The following PRIMA1 variants were observed in gnomAD, a reference collection of about 807,000 sequenced individuals.
The protein encoded by PRIMA1 is proline-rich membrane anchor 1.
In PRIMA1, 7 loss-of-function variants were observed where a neutral mutation model predicts 17.5. That is an observed-to-expected ratio of 0.40 (90% CI 0.23 to 0.75). PRIMA1 has a LOEUF of 0.75. PRIMA1 is among the 30% of genes least tolerant of loss of function. The probability of loss-of-function intolerance (pLI) is 0.37; values close to 1 mark genes in which losing one functional copy is unlikely to be tolerated. For synonymous variants in PRIMA1, 97 were observed against 77.9 expected (o/e 1.25, Z -1.29); for missense variants, 200 against 201.8 (o/e 0.99, Z 0.05).
intron 3 of PRIMA1, among the ~76,000 whole-genome samples, chr14:93,758,621 A>G (rs970793954): frequency 6.6e-6 from 1 of 151,638 alleles, no homozygotes; most frequent in Non-Finnish European, 1.5e-5. Context: ...AAGAAAAAGA[A>G]AAAGAAAAAG....
rs934944862 is a variant in PRIMA1, at chr14:93,721,104, AAGAC to A, written c.*336_*339del. Reference sequence around the variant, plus strand: ...GGGGAAGCCTCCCTGCCACAGTAGAAAGACAGATCCCTCTGGCTTCGCCAGTGCG... The same window carrying A: ...GGGGAAGCCTCCCTGCCACAGTAGAAAGATCCCTCTGGCTTCGCCAGTGCG... On this transcript the variant is annotated 3_prime_UTR_variant, in exon 5 of 5. Coordinates refer to ENST00000393140, the MANE Select transcript of PRIMA1 (RefSeq NM_178013.4). 1 of 241,038 alleles carries A rather than the reference AAGAC, an allele frequency of 4.1e-6. No individual in the cohort carries two copies. Among genetic ancestry groups the A allele is most frequent in the African/African-American group, 2.3e-5 (1 of 44,378 alleles). The allele number at this position is 241,038 out of a possible 1,614,324, so 14.9% of individuals were successfully genotyped here.
intron 3 of PRIMA1, among the ~76,000 whole-genome samples, chr14:93,744,666 G>C (rs2076205430): frequency 1.3e-5 from 2 of 152,142 alleles, no homozygotes; most frequent in African/African-American, 2.4e-5. Flanking sequence ...GCAATTCAGG[G>C]CCCCCCCACG....
chr14:93,773,269 C>G (rs150934598), intron 3 of PRIMA1, among the ~76,000 whole-genome samples: 3 of 152,224 alleles, frequency 2.0e-5, no homozygotes, highest in Non-Finnish European at 4.4e-5. Context: ...AAAACTGAGG[C>G]TCTGAGAGGT....
At chr14:93,779,375 C>T (rs1885317461) in intron 2 of PRIMA1, 64 bp from the exon 3 acceptor site, 3 of 1,400,594 alleles carry the variant, frequency 2.1e-6, no homozygotes, top group East Asian at 2.6e-5. Flanking sequence ...GAAGCTGAAA[C>T]AAGCCCAGGC....
chr14:93,770,665 A>G (rs966972929), intron 3 of PRIMA1, among the ~76,000 whole-genome samples: 2 of 151,910 alleles, frequency 1.3e-5, no homozygotes, highest in Non-Finnish European at 2.9e-5. Context: ...GTTATCTTCC[A>G]TTTTTCCTGT....
Position 93,721,546 on chromosome 14 carries a change from C to G in PRIMA1, c.360G>C (p.Arg120Ser). Reference protein sequence around the residue: ...LVIICYKAIKRKPLRKDENGT... With the variant: ...LVIICYKAIKSKPLRKDENGT... ...CATTTTCGTCTTTTCTCAGTGGTTT[C>G]CTGGAAGTGGGGGGAGGGGACAGGA... The change falls in exon 5 of 5, where the codon AGG becomes AGC. Residue 120 changes from arginine (R) to serine (S), a missense_variant and splice_region_variant. By Grantham distance (110) the Arg-to-Ser change is moderately radical (BLOSUM62 -1). Coordinates refer to ENST00000393140, the MANE Select transcript of PRIMA1 (RefSeq NM_178013.4). 1 of 1,608,688 alleles carries G rather than the reference C, an allele frequency of 6.2e-7. No homozygotes were observed. Among genetic ancestry groups the G allele is most frequent in the Non-Finnish European group, 8.5e-7 (1 of 1,175,688 alleles).
intron 2 of PRIMA1, among the ~76,000 whole-genome samples, chr14:93,782,719 A>C (rs1364589241): frequency 6.6e-6 from 1 of 152,240 alleles, no homozygotes; most frequent in East Asian, 1.9e-4. Flanking sequence ...CTGTTCTCAC[A>C]AAAGGATCAT....
chr14:93,770,125 C>T (rs1885013797), intron 3 of PRIMA1, among the ~76,000 whole-genome samples: 1 of 152,186 alleles, frequency 6.6e-6, no homozygotes. Context: ...GGGCGTGACA[C>T]CTCCTCTTGC....
intron 3 of PRIMA1, among the ~76,000 whole-genome samples, chr14:93,766,115 A>AT (rs1349905006): frequency 1.3e-5 from 2 of 152,148 alleles, no homozygotes; most frequent in Non-Finnish European, 2.9e-5. Flanking sequence ...GTGGCTGTAG[A>AT]TTTTTTTAAA....
intron 3 of PRIMA1, among the ~76,000 whole-genome samples, chr14:93,770,679 A>G (rs978002495): frequency 6.6e-6 from 1 of 152,018 alleles, no homozygotes; most frequent in African/African-American, 2.4e-5. Context: ...TTCCTGTGAT[A>G]GTTTTGGTTT....
chr14:93,724,121 G>A (rs988735294), intron 4 of PRIMA1, among the ~76,000 whole-genome samples: 5 of 152,142 alleles, frequency 3.3e-5, no homozygotes, highest in Non-Finnish European at 5.9e-5. Context: ...CTGGCCTCAA[G>A]TGATCCTCCC....
rs1446543738 is a variant in PRIMA1 at position 93,720,284 on chromosome 14, G to A, written c.*1160C>T. On this transcript the variant is annotated 3_prime_UTR_variant, in exon 5 of 5. Transcript: ENST00000393140. ...CAGGCCAACAGGGCAGGGGTCACCA[G>A]CCTGGAGGACCCCTCTCCTCCTGTC... 6.6e-6 allele frequency: 1 copy of A among 152,294 alleles called. No individual in the cohort carries two copies. Among genetic ancestry groups the A allele is most frequent in the African/African-American group, 2.4e-5 (1 of 41,462 alleles). 9.4% of individuals were successfully genotyped at this position (152,294 alleles called of 1,614,324 possible).
chr14:93,759,927 A>T (rs1352209452), intron 3 of PRIMA1, among the ~76,000 whole-genome samples: 1 of 152,210 alleles, frequency 6.6e-6, no homozygotes, highest in Non-Finnish European at 1.5e-5. Context: ...GGCCTGAGAC[A>T]CTTGAACCTT....
intron 3 of PRIMA1, among the ~76,000 whole-genome samples, chr14:93,764,075 C>G (rs1371734578): frequency 6.6e-6 from 1 of 152,010 alleles, no homozygotes; most frequent in East Asian, 1.9e-4. Context: ...TCACTGAGTC[C>G]TGAAGGTTCT....
At chr14:93,781,076 G>A (rs1885364635) in intron 2 of PRIMA1, among the ~76,000 whole-genome samples, 2 of 152,234 alleles carry the variant, frequency 1.3e-5, no homozygotes, top group African/African-American at 4.8e-5. Flanking sequence ...CCGCTGGGGT[G>A]GCAGCGGGAA....
chr14:93,720,443 G>C lies in PRIMA1; in HGVS notation c.*1001C>G, dbSNP rs2141145955. The C allele has an allele frequency of 6.5e-6, 1 of 152,672 alleles. No individual in the cohort carries two copies. Among genetic ancestry groups the C allele is most frequent in the East Asian group, 1.9e-4 (1 of 5,182 alleles). The allele number at this position is 152,672 out of a possible 1,614,324, so 9.5% of individuals were successfully genotyped here. A position where few individuals can be genotyped will look rare whatever the true frequency, so the allele number is the denominator to read the frequency against. ...TTCTTGGCGACTGGGGCTCGGGGTA[G>C]GGTAAAATGGGGAGATGATGGAGGA... is the stretch of plus-strand genomic sequence containing the variant. On this transcript the variant is annotated 3_prime_UTR_variant, in exon 5 of 5. Coordinates refer to ENST00000393140, the MANE Select transcript of PRIMA1 (RefSeq NM_178013.4).
chr14:93,726,674 CAT>C lies in PRIMA1; in HGVS notation c.360-5130_360-5129del, dbSNP rs760829638. Among the ~76,000 whole-genome samples the C allele has an allele frequency of 3.9e-5, 6 of 152,210 alleles. No homozygotes were observed. Among genetic ancestry groups the C allele is most frequent in the East Asian group, 3.9e-4 (2 of 5,182 alleles). On this transcript the variant is annotated intron_variant, in intron 4 of 4. Transcript: ENST00000393140. This position sits in a 1 kb window ranked among gnomAD's most constrained non-coding sequence, Gnocchi z 4.2. ...CACACACATACAATATACACATACA[CAT>C]AGACACATGTACATATGCACAAACC... is the stretch of plus-strand genomic sequence containing the variant.
chr14:93,736,199 C>T (rs914985450), intron 4 of PRIMA1, among the ~76,000 whole-genome samples: 2 of 152,204 alleles, frequency 1.3e-5, no homozygotes, highest in African/African-American at 4.8e-5. Flanking sequence ...TCGTCAATAA[C>T]CCTGAAACAC....
intron 3 of PRIMA1, among the ~76,000 whole-genome samples, chr14:93,778,875 C>T (rs892727403): frequency 5.3e-5 from 8 of 152,134 alleles, no homozygotes; most frequent in African/African-American, 1.7e-4. Flanking sequence ...GACCAGTCCC[C>T]AGCAGCTGCC....
Sources: gnomAD v4.1 joint callset for allele counts (sites outside exome capture counted in the v4.1 genomes callset) on GRCh38, gnomAD v4.1.1 for gene constraint, Gnocchi (gnomAD v3.1) non-coding constraint, MANE v1.5 for transcripts, NCBI Gene and HGNC (gene_info 2026-07-23, HGNC 2026-07-21) for gene names.